Variants in CFAP47 observed in about 807,000 individuals in gnomAD.
CFAP47 encodes cilia- and flagella-associated protein 47.
CFAP47 carries 29 observed loss-of-function variants against 148.1 expected under a neutral mutation model. That is an observed-to-expected ratio of 0.20 (90% CI 0.15 to 0.27). The LOEUF is 0.27. Among genes scored for constraint, CFAP47 ranks in the 10% least tolerant of loss-of-function variants. The pLI, the probability that CFAP47 is intolerant of heterozygous loss-of-function variation, is 1.00. For synonymous variants in CFAP47, 664 were observed against 577.3 expected, an observed-to-expected ratio of 1.15 and a Z score of -2.15; for missense variants, 1,872 against 1,697.5, an observed-to-expected ratio of 1.10 and a Z score of -1.81.
At chrX:36,014,583 T>G (rs191799860) in intron 21 of CFAP47, among the ~76,000 whole-genome samples, 191 bp from the exon 22 acceptor site, 4 of 111,445 alleles carry the variant, frequency 3.6e-5, no homozygotes, top group Admixed American at 2.9e-4. Flanking sequence ...AAAAATTTAT[T>G]TTTATTTTTT....
At chrX:36,001,566 T>C in intron 20 of CFAP47, 47 bp from the exon 21 acceptor site, 1 of 287,575 alleles carries the variant, frequency 3.5e-6, no homozygotes, top group South Asian at 2.1e-4. Flanking sequence ...ATTTTAGAAA[T>C]TGATTTTTGA....
chrX:36,312,766 C>A (rs782436956), intron 56 of CFAP47, among the ~76,000 whole-genome samples: 1 of 111,764 alleles, frequency 8.9e-6, no homozygotes, highest in Non-Finnish European at 1.9e-5. Flanking sequence ...CAGTCTTTTG[C>A]AGTTCAAAAC....
chrX:36,186,283 C>G (rs1939805861), intron 40 of CFAP47, among the ~76,000 whole-genome samples: 1 of 110,749 alleles, frequency 9.0e-6, no homozygotes, highest in South Asian at 3.8e-4. Context: ...AATTTTTTCC[C>G]CATTGACATT....
chrX:36,003,669 T>C (rs1936943049), intron 21 of CFAP47, among the ~76,000 whole-genome samples: 1 of 110,585 alleles, frequency 9.0e-6, no homozygotes, highest in Non-Finnish European at 1.9e-5. Flanking sequence ...GCCAACATCA[T>C]ACTGAATGGG....
chrX:36,236,867 T>A lies in CFAP47; in HGVS notation c.7332+8T>A, dbSNP rs1555994794. 1.4e-5 allele frequency: 6 copies of A among 440,836 alleles called. No homozygotes were observed. The highest frequency in any genetic ancestry group is 2.4e-5 in the Non-Finnish European group (6 of 248,417). The allele number at this position is 440,836 out of a possible 1,213,427, so 36.3% of individuals were successfully genotyped here. On this transcript the variant is annotated splice_region_variant and intron_variant, in intron 48 of 63. Coordinates refer to ENST00000378653, the MANE Select transcript of CFAP47 (RefSeq NM_001304548.2). The stretch of plus-strand genomic sequence containing the variant: ...ACTGCCCTAACATTTAAGGTAAGAA[T>A]TTATTTTTAGTGTGAAAGTGTTTTT...
intron 57 of CFAP47, among the ~76,000 whole-genome samples, chrX:36,322,495 A>G: frequency 9.0e-6 from 1 of 111,211 alleles, no homozygotes; most frequent in Non-Finnish European, 1.9e-5. Flanking sequence ...TTACAAAACA[A>G]AAATATAAAC....
intron 22 of CFAP47, among the ~76,000 whole-genome samples, chrX:36,015,768 G>A (rs1333057846): frequency 1.8e-5 from 2 of 111,552 alleles, no homozygotes; most frequent in African/African-American, 6.5e-5. Context: ...GAATTAGGTA[G>A]ATAAGCTTTC....
At position 36,201,445 on chromosome X, in the gene CFAP47, T is replaced by G. The variant is rs1939979256; in HGVS notation, c.6608T>G (p.Leu2203Arg). 6.8e-6 allele frequency: 2 copies of G among 295,289 alleles called. No individual in the cohort carries two copies. Among genetic ancestry groups the G allele is most frequent in the Non-Finnish European group, 1.2e-5 (2 of 169,719 alleles). The allele number at this position is 295,289 out of a possible 1,213,427, so 24.3% of individuals were successfully genotyped here. A position where few individuals can be genotyped will look rare whatever the true frequency, so the allele number is the denominator to read the frequency against. The change falls in exon 44 of 64, where the codon CTA (leucine) becomes CGA (arginine). Residue 2203 changes from leucine to arginine, a missense_variant. Transcript: ENST00000378653. ...EYERRLITGT[L>R]ESSSIRVAIA... ...GAGCGAAGGTTGATCACAGGCACTC[T>G]AGAGAGCAGTAGTATCCGTGTGGCC...
Position 35,975,909 on chromosome X carries a change from T to G in CFAP47, c.2709T>G (p.Ala903=), listed in dbSNP as rs1212436701. Residue 903 remains alanine, a synonymous_variant, in exon 15 of 64, where the codon GCT becomes GCG. Transcript: ENST00000378653. The stretch of plus-strand genomic sequence containing the variant: ...GGATAGCATTTTCTATTTGTCCAGC[T>G]AAAGGTAACAGTTTATTGTTTGTTT... ...GRGIAFSICP[A]KGTVEAYSSL... is the part of the protein sequence containing the mutation. The G allele has an allele frequency of 8.3e-7, 1 of 1,210,085 alleles. No homozygotes were observed. Among genetic ancestry groups the G allele is most frequent in the Admixed American group, 2.2e-5 (1 of 46,010 alleles).
At chrX:35,948,216 C>A in intron 3 of CFAP47, 98 bp from the exon 4 acceptor site, 1 of 774,689 alleles carries the variant, frequency 1.3e-6, no homozygotes, top group Non-Finnish European at 1.9e-6. Flanking sequence ...GTTAGGCAAG[C>A]TTGGTCTACT....
At chrX:36,148,211 A>G (rs962404120) in intron 36 of CFAP47, among the ~76,000 whole-genome samples, 3 of 111,573 alleles carry the variant, frequency 2.7e-5, no homozygotes, top group Non-Finnish European at 5.6e-5. Context: ...GGCTAAACCA[A>G]TATAAGATTT....
At chrX:36,315,054 T>A (rs1291758941) in intron 56 of CFAP47, among the ~76,000 whole-genome samples, 1 of 111,985 alleles carries the variant, frequency 8.9e-6, no homozygotes, top group Non-Finnish European at 1.9e-5. Flanking sequence ...TGAGAATCTG[T>A]TTCTTTAGCA....
intron 49 of CFAP47, among the ~76,000 whole-genome samples, chrX:36,273,155 ATT>A (rs1940978694): frequency 1.8e-5 from 2 of 111,543 alleles, no homozygotes; most frequent in Admixed American, 1.9e-4. Flanking sequence ...TTTAAAAATT[ATT>A]TTCAAAGGAA....
At chrX:36,009,878 C>T (rs1274461689) in intron 21 of CFAP47, among the ~76,000 whole-genome samples, 1 of 111,099 alleles carries the variant, frequency 9.0e-6, no homozygotes, top group East Asian at 2.8e-4. Flanking sequence ...ATATATGTAC[C>T]TCTGAACCCA....
chrX:36,005,386 G>T (rs5973560), intron 21 of CFAP47, among the ~76,000 whole-genome samples: 29,735 of 110,540 alleles, frequency 0.27, 5,604 homozygotes, highest in African/African-American at 0.66. Flanking sequence ...TTTATTTTCA[G>T]TTTTACTCTT....
chrX:35,939,982 C>T (rs1350384383), intron 2 of CFAP47, among the ~76,000 whole-genome samples: 1 of 109,432 alleles, frequency 9.1e-6, no homozygotes, highest in East Asian at 2.9e-4. Context: ...TTCATGATCG[C>T]CATTCTAACT....
At chrX:36,085,163 A>G (rs1168035486) in intron 29 of CFAP47, 151 bp from the exon 30 acceptor site, 3 of 375,150 alleles carry the variant, frequency 8.0e-6, no homozygotes, top group Non-Finnish European at 1.4e-5. Context: ...TTTTTGACCA[A>G]CAAATGGTAG....
At chrX:36,285,490 A>T (rs980852415) in intron 50 of CFAP47, 139 bp from the exon 51 acceptor site, 8 of 390,355 alleles carry the variant, frequency 2.0e-5, no homozygotes, top group Non-Finnish European at 3.7e-5. Context: ...ACAGCTTCTC[A>T]CCCTTTCTTC....
At chrX:36,057,076 C>A (rs1438982304) in intron 26 of CFAP47, among the ~76,000 whole-genome samples, 1 of 111,840 alleles carries the variant, frequency 8.9e-6, no homozygotes, top group East Asian at 2.8e-4. Flanking sequence ...ATGTAGGATC[C>A]CCACTGATGT....
Sources: gnomAD v4.1 joint callset for allele counts (sites outside exome capture counted in the v4.1 genomes callset) on GRCh38, gnomAD v4.1.1 for gene constraint, MANE v1.5 for transcripts, NCBI Gene and HGNC (gene_info 2026-07-23, HGNC 2026-07-21) for gene names.